The following BABAM2 variants were observed in gnomAD, a reference collection of about 807,000 sequenced individuals.
The protein encoded by BABAM2 is BRISC and BRCA1 A complex member 2, also known as BRISC and BRCA1-A complex member 2.
Under a neutral mutation model 54.7 loss-of-function variants are expected in BABAM2, and 31 were observed. The ratio of observed to expected loss-of-function variants is 0.57; its 90% CI spans 0.43 to 0.77. The LOEUF is 0.77. Among genes scored for constraint, BABAM2 ranks in the 30% least tolerant of loss-of-function variants. The pLI is 0.00. For synonymous variants in BABAM2, 167 were observed against 162.9 expected, an observed-to-expected ratio of 1.03 and a Z score of -0.19; for missense variants, 364 against 455.8, an observed-to-expected ratio of 0.80 and a Z score of 1.83.
At chr2:28,119,188 A>T (rs912629523) in intron 6 of BABAM2, among the ~76,000 whole-genome samples, 1 of 152,134 alleles carries the variant, frequency 6.6e-6, no homozygotes, top group Admixed American at 6.5e-5. Context: ...TTTGCTTAGG[A>T]TTGTCTTGGC....
intron 5 of BABAM2, among the ~76,000 whole-genome samples, chr2:28,043,094 A>G (rs996533672): frequency 9.2e-5 from 14 of 151,694 alleles, no homozygotes; most frequent in African/African-American, 2.2e-4. Flanking sequence ...AATTAATTAT[A>G]TAGGAGAAAG....
chr2:28,168,803 A>C (rs1164122007), intron 7 of BABAM2, among the ~76,000 whole-genome samples: 7 of 152,140 alleles, frequency 4.6e-5, no homozygotes, highest in Admixed American at 6.5e-5. Flanking sequence ...TTTTCCCTTC[A>C]TGTTCCATCT....
At position 28,120,347 on chromosome 2, in the gene BABAM2, T is replaced by C. The variant is rs78079000; in HGVS notation, c.571-8924T>C. On this transcript the variant is annotated intron_variant, in intron 6 of 11. Coordinates refer to ENST00000379624, the MANE Select transcript of BABAM2 (RefSeq NM_199191.3). ...AAATGTAGAACAAGTAAATATACAG[T>C]AAATCTTTCCTGCATGTGAGTTTCC... is the stretch of plus-strand genomic sequence containing the variant. Among the ~76,000 whole-genome samples the C allele has an allele frequency of 2.7e-3, 408 of 152,304 alleles. 2 individuals carry two copies. The highest frequency in any genetic ancestry group is 8.2e-3 in the African/African-American group (342 of 41,562).
In BABAM2 at chr2:28,205,971, G is replaced by A. The variant is rs537634318; in HGVS notation, c.681-31231G>A. Among the ~76,000 whole-genome samples the A allele has an allele frequency of 3.4e-3, 512 of 152,042 alleles. 2 individuals carry two copies. Among genetic ancestry groups the A allele is most frequent in the African/African-American group, 0.012 (488 of 41,466 alleles). On this transcript the variant is annotated intron_variant, in intron 7 of 11. Coordinates refer to ENST00000379624, the MANE Select transcript of BABAM2 (RefSeq NM_199191.3). Reference sequence around the variant, plus strand: ...TTATTCCATTTGTTTAAATTTTTCCGTGGAAAAATCAAGTAGGAATTAGGA... The same window carrying A: ...TTATTCCATTTGTTTAAATTTTTCCATGGAAAAATCAAGTAGGAATTAGGA...
At position 28,134,114 on chromosome 2, in the gene BABAM2, T is replaced by C. The variant is rs529838401; in HGVS notation, c.680+4734T>C. On this transcript the variant is annotated intron_variant, in intron 7 of 11. Coordinates refer to ENST00000379624, the MANE Select transcript of BABAM2 (RefSeq NM_199191.3). ...AAACATATTTCTGGCCCTATACATT[T>C]GTCTTCCAAGGAACCAAAACCAATC... 4.6e-5 allele frequency among the ~76,000 whole-genome samples: 7 copies of C among 151,636 alleles called. No individual in the cohort carries two copies. The East Asian group carries it at 7.8e-4, about 17-fold the overall frequency.
chr2:27,914,770 A>G (rs1322168427), intron 2 of BABAM2, among the ~76,000 whole-genome samples: 1 of 152,180 alleles, frequency 6.6e-6, no homozygotes, highest in Non-Finnish European at 1.5e-5. Flanking sequence ...TTTGTTTTCA[A>G]TTTATATATG....
chr2:28,338,421 A>T (rs1172493524), intron 11 of BABAM2, 29 bp from the exon 12 acceptor site: 1 of 1,599,840 alleles, frequency 6.3e-7, no homozygotes, highest in East Asian at 2.2e-5. Context: ...GCTAACCACA[A>T]TTTTTTTTCT....
chr2:27,929,448 TAA>T (rs777424364), intron 2 of BABAM2, among the ~76,000 whole-genome samples: 74 of 152,298 alleles, frequency 4.9e-4, no homozygotes, highest in South Asian at 4.6e-3. Context: ...GAATGAAAGC[TAA>T]GAGTCCATAT....
In BABAM2 at chr2:27,981,961, T is replaced by G. The variant is rs138272350; in HGVS notation, c.206-6032T>G. On this transcript the variant is annotated intron_variant, in intron 3 of 11. Transcript: ENST00000379624. ...GTTTTCAAAAGTGACTGCACCATTT[T>G]GCATTCACACCAGCAGTGTATAAGT... Among the ~76,000 whole-genome samples, 316 of 152,264 alleles carry G rather than the reference T, an allele frequency of 2.1e-3. 1 individual carries two copies. Among genetic ancestry groups the G allele is most frequent in the African/African-American group, 7.2e-3 (299 of 41,564 alleles).
At chr2:27,975,350 T>TA (rs1435918067) in intron 3 of BABAM2, among the ~76,000 whole-genome samples, 5 of 152,044 alleles carry the variant, frequency 3.3e-5, no homozygotes, top group African/African-American at 1.2e-4. Context: ...TTTGAAGACT[T>TA]ATTATCAAGG....
intron 6 of BABAM2, among the ~76,000 whole-genome samples, chr2:28,076,055 C>G (rs72814426): frequency 0.13 from 19,097 of 151,984 alleles, 2,405 homozygotes; most frequent in African/African-American, 0.33. Context: ...CTTGGGCCCA[C>G]GAGTTAGAGA....
intron 6 of BABAM2, among the ~76,000 whole-genome samples, chr2:28,110,046 GA>G (rs1292383630): frequency 6.6e-6 from 1 of 151,904 alleles, no homozygotes; most frequent in African/African-American, 2.4e-5. Flanking sequence ...CATCCCCCTG[GA>G]AACCACCATT....
Position 28,150,920 on chromosome 2 carries a change from G to A in BABAM2, c.680+21540G>A, listed in dbSNP as rs114830656. Among the ~76,000 whole-genome samples the A allele has an allele frequency of 9.9e-3, 1,500 of 152,268 alleles. 6 individuals are homozygous for A. The highest frequency in any genetic ancestry group is 0.015 in the Non-Finnish European group (1,053 of 68,016). ...ATGTGAGAATGATGAAAAGCTTCTC[G>A]CTACTCAATGTCCTTGCCAATGATA... is the stretch of plus-strand genomic sequence containing the variant. On this transcript the variant is annotated intron_variant, in intron 7 of 11. Transcript: ENST00000379624.
At chr2:27,903,099 C>A (rs557807095) in intron 2 of BABAM2, among the ~76,000 whole-genome samples, 4 of 151,312 alleles carry the variant, frequency 2.6e-5, no homozygotes, top group African/African-American at 4.9e-5. Flanking sequence ...CCCCACCCCC[C>A]CCACCGTATG....
intron 6 of BABAM2, among the ~76,000 whole-genome samples, chr2:28,072,198 A>T (rs993918988): frequency 1.4e-4 from 21 of 150,390 alleles, no homozygotes; most frequent in African/African-American, 5.2e-4. Context: ...TTTTGAGATG[A>T]AGTCTCACTC....
intron 9 of BABAM2, among the ~76,000 whole-genome samples, chr2:28,242,883 G>A (rs1292104781): frequency 6.6e-6 from 1 of 151,964 alleles, no homozygotes; most frequent in Admixed American, 6.6e-5. Context: ...TTTTGAGAAA[G>A]TACTTTTGAT....
intron 7 of BABAM2, among the ~76,000 whole-genome samples, chr2:28,223,242 C>T (rs923180276): frequency 6.6e-6 from 1 of 152,224 alleles, no homozygotes; most frequent in Admixed American, 6.5e-5. Context: ...CTTATAGCCT[C>T]CTCAATTCCC....
chr2:28,238,655 C>T (rs1682137381), intron 8 of BABAM2, among the ~76,000 whole-genome samples: 2 of 152,312 alleles, frequency 1.3e-5, no homozygotes, highest in Admixed American at 1.3e-4. Flanking sequence ...ATCTCCCCAG[C>T]CTCTGCCCTC....
At chr2:27,977,837 T>G (rs1671707186) in intron 3 of BABAM2, among the ~76,000 whole-genome samples, 1 of 152,004 alleles carries the variant, frequency 6.6e-6, no homozygotes, top group Non-Finnish European at 1.5e-5. Context: ...TGACTCCTAG[T>G]GGGGTTGAAA....
Sources: gnomAD v4.1 joint callset for allele counts (sites outside exome capture counted in the v4.1 genomes callset) on GRCh38, gnomAD v4.1.1 for gene constraint, MANE v1.5 for transcripts, NCBI Gene and HGNC (gene_info 2026-07-23, HGNC 2026-07-21) for gene names.